PPFIBP1: variants seen among roughly 807,000 people sequenced by gnomAD.
PPFIBP1 encodes the protein liprin-beta-1.
In PPFIBP1, 112 loss-of-function variants were observed where a neutral mutation model predicts 137.8. The ratio of observed to expected loss-of-function variants is 0.81; its 90% CI spans 0.70 to 0.95. The LOEUF is 0.95. PPFIBP1 is among the 40% of genes least tolerant of loss of function. PPFIBP1 has a pLI of 0.00. For synonymous variants in PPFIBP1, 378 were observed against 417.3 expected, an observed-to-expected ratio of 0.91 and a Z score of 1.15; for missense variants, 1,083 against 1,196.6, an observed-to-expected ratio of 0.91 and a Z score of 1.40.
chr12:27,609,994 T>A (rs1397654650), intron 2 of PPFIBP1, among the ~76,000 whole-genome samples: 1 of 152,180 alleles, frequency 6.6e-6, no homozygotes, highest in East Asian at 1.9e-4. Context: ...AGCGAGCCTG[T>A]GCAATTTAGA....
rs1399866214 is a variant in PPFIBP1 at position 27,536,229 on chromosome 12, CTG to C, written c.-124+11869_-124+11870del. On this transcript the variant is annotated intron_variant, in intron 1 of 29. Transcript: ENST00000228425. ...CTGAGCTCATGGTGCATTGGGAAAA[CTG>C]TGTGAATAGAGAGGCCAGGAATGGT... Among the ~76,000 whole-genome samples the C allele has an allele frequency of 4.6e-5, 7 of 152,284 alleles. No homozygotes were observed. The South Asian group carries it at 1.2e-3, about 27-fold the overall frequency.
chr12:27,577,914 T>C (rs2050707608), intron 1 of PPFIBP1, among the ~76,000 whole-genome samples: 2 of 152,078 alleles, frequency 1.3e-5, no homozygotes, highest in African/African-American at 4.8e-5. Flanking sequence ...ATATTTGAGG[T>C]TGTCCAGTAA....
chr12:27,630,601 T>C (rs2057192980), intron 2 of PPFIBP1, among the ~76,000 whole-genome samples: 1 of 152,204 alleles, frequency 6.6e-6, no homozygotes, highest in Admixed American at 6.5e-5. Context: ...TTGTACTTAA[T>C]GTAATTTTAA....
rs2060707182 is a variant in PPFIBP1 at position 27,678,881 on chromosome 12, A to AAAAAAAAAAAAAAC, written c.1616-608_1616-607insAAAAAAAAAAAAAC. On this transcript the variant is annotated intron_variant, in intron 19 of 29. Coordinates refer to ENST00000228425, the MANE Select transcript of PPFIBP1 (RefSeq NM_003622.4). ...CAAAAAAAAAAAAAAAAAAAAAAAA[A>AAAAAAAAAAAAAAC]CATTTAAGAGAGAAAAAGACTCTCG... Among the ~76,000 whole-genome samples the AAAAAAAAAAAAAAC allele has an allele frequency of 4.0e-4, 58 of 143,264 alleles. 1 individual carries two copies. Among genetic ancestry groups the AAAAAAAAAAAAAAC allele is most frequent in the African/African-American group, 1.5e-3 (55 of 36,408 alleles). The allele number at this position is 143,264 out of a possible 152,430, so 94.0% of individuals were successfully genotyped here. A position where few individuals can be genotyped will look rare whatever the true frequency, so the allele number is the denominator to read the frequency against.
intron 1 of PPFIBP1, among the ~76,000 whole-genome samples, chr12:27,560,503 A>C (rs1363884006): frequency 6.6e-6 from 1 of 152,230 alleles, no homozygotes; most frequent in African/African-American, 2.4e-5. Flanking sequence ...CATCCAGTAC[A>C]TGTTGTAAAT....
intron 2 of PPFIBP1, chr12:27,592,594 A>G: frequency 6.4e-7 from 1 of 1,572,722 alleles, no homozygotes; most frequent in Non-Finnish European, 8.7e-7. Flanking sequence ...CAGAGGGGAG[A>G]GGATATGCTG....
At chr12:27,595,810 C>T (rs570450638) in intron 2 of PPFIBP1, among the ~76,000 whole-genome samples, 6 of 150,820 alleles carry the variant, frequency 4.0e-5, no homozygotes, top group African/African-American at 1.5e-4. Context: ...GCGGAGATAG[C>T]GCCATTGCAC....
At chr12:27,572,545 T>C (rs1452854992) in intron 1 of PPFIBP1, among the ~76,000 whole-genome samples, 2 of 152,178 alleles carry the variant, frequency 1.3e-5, no homozygotes, top group Admixed American at 6.5e-5. Context: ...CAAAGCAACA[T>C]GTTAATTTAA....
At chr12:27,648,886 C>T (rs1046780752) in intron 6 of PPFIBP1, among the ~76,000 whole-genome samples, 12 of 151,808 alleles carry the variant, frequency 7.9e-5, no homozygotes, top group African/African-American at 2.2e-4. Flanking sequence ...TGGAGGATGG[C>T]GAAGGGGTAC....
chr12:27,648,293 A>G (rs2058667867), intron 6 of PPFIBP1, among the ~76,000 whole-genome samples: 1 of 152,228 alleles, frequency 6.6e-6, no homozygotes, highest in Non-Finnish European at 1.5e-5. Flanking sequence ...CAAAACTGTA[A>G]TGAGATACTA....
At chr12:27,628,410 C>A (rs1338079480) in intron 2 of PPFIBP1, among the ~76,000 whole-genome samples, 1 of 152,156 alleles carries the variant, frequency 6.6e-6, no homozygotes, top group African/African-American at 2.4e-5. Context: ...AACTCCTGGG[C>A]TCTAGCGACC....
intron 1 of PPFIBP1, among the ~76,000 whole-genome samples, chr12:27,568,756 G>A (rs937554736): frequency 3.9e-5 from 6 of 152,100 alleles, no homozygotes; most frequent in Non-Finnish European, 5.9e-5. Context: ...CCATCTTGTT[G>A]CTGACCACTT....
chr12:27,642,522 A>G (rs1227815744), intron 4 of PPFIBP1, among the ~76,000 whole-genome samples: 2 of 152,246 alleles, frequency 1.3e-5, no homozygotes, highest in East Asian at 3.8e-4. Flanking sequence ...ACTTAGGCTG[A>G]GTGACCAACT....
intron 4 of PPFIBP1, chr12:27,637,367 T>C (rs980511414): frequency 6.6e-6 from 1 of 152,210 alleles, no homozygotes; most frequent in Admixed American, 6.5e-5. Flanking sequence ...AATGGCTTGT[T>C]GATCTGTGTT....
rs760234146 is a variant in PPFIBP1 at position 27,691,775 on chromosome 12, T to C, written c.2712T>C (p.Phe904=). 5.6e-6 allele frequency: 9 copies of C among 1,610,398 alleles called. No individual in the cohort carries two copies. Among genetic ancestry groups the C allele is most frequent in the Non-Finnish European group, 7.6e-6 (9 of 1,178,714 alleles). The change falls in exon 28 of 30, where the codon TTT becomes TTC. Residue 904 remains phenylalanine (F), a synonymous_variant. Coordinates refer to ENST00000228425, the MANE Select transcript of PPFIBP1 (RefSeq NM_003622.4). ...VKPKKLAFSN[F]GNLRKKKQED... is the part of the protein sequence containing the mutation. ...CAAAGAAACTTGCCTTTAGCAATTT[T>C]GGGAATTTGAGAAAGAAGAAACAGG... is the stretch of plus-strand genomic sequence containing the variant.
At chr12:27,592,880 C>A in intron 2 of PPFIBP1, 1 of 489,370 alleles carries the variant, frequency 2.0e-6, no homozygotes, top group Non-Finnish European at 3.7e-6. Flanking sequence ...TGGCTCACAC[C>A]TGTAGTATCA....
chr12:27,537,127 C>T (rs1028918988), intron 1 of PPFIBP1, among the ~76,000 whole-genome samples: 13 of 151,956 alleles, frequency 8.6e-5, no homozygotes, highest in Admixed American at 7.9e-4. Context: ...GCAGGTAGTC[C>T]CTTCTCTCTC....
intron 2 of PPFIBP1, among the ~76,000 whole-genome samples, chr12:27,601,517 C>CT (rs2053987912): frequency 6.6e-6 from 1 of 152,196 alleles, no homozygotes; most frequent in Admixed American, 6.5e-5. Context: ...AGGCTACACA[C>CT]TCTGCTTGAT....
chr12:27,552,347 T>A (rs1007891301), intron 1 of PPFIBP1, among the ~76,000 whole-genome samples: 8 of 152,198 alleles, frequency 5.3e-5, no homozygotes, highest in African/African-American at 1.7e-4. Context: ...TCAAGAAACC[T>A]TTTGGCTGCA....
Sources: allele counts gnomAD v4.1 joint callset (sites outside exome capture counted in the v4.1 genomes callset), GRCh38; gene constraint gnomAD v4.1.1; transcripts MANE v1.5; gene names NCBI Gene and HGNC (gene_info 2026-07-23, HGNC 2026-07-21).